The following CNTN6 variants were observed in gnomAD, a reference collection of about 807,000 sequenced individuals.
CNTN6 encodes the protein contactin 6.
A neutral mutation model predicts 122.8 loss-of-function variants in CNTN6; 137 were observed. The ratio of observed to expected loss-of-function variants is 1.12; its 90% CI spans 0.97 to 1.29. The LOEUF (loss-of-function observed/expected upper bound fraction) is 1.29, where lower values mean the gene tolerates loss of function less well. Ranked by LOEUF, CNTN6 falls within the 50% of genes most tolerant of loss-of-function variation. The pLI is 0.00. For missense variants in CNTN6, 1,634 were observed against 1,223.4 expected (o/e 1.34, Z -5.01); for synonymous variants, 570 against 426.0 (o/e 1.34, Z -4.16).
intron 2 of CNTN6, 30 bp from the exon 3 acceptor site, chr3:1,220,657 T>C (rs757106885): frequency 6.4e-7 from 1 of 1,572,354 alleles, no homozygotes; most frequent in Non-Finnish European, 8.6e-7. Context: ...CCACTTTTTT[T>C]TCATGTGATT....
At position 1,220,762 on chromosome 3, in the gene CNTN6, C is replaced by T. The variant is rs2094196764; in HGVS notation, c.131C>T (p.Ser44Phe). 1.2e-6 allele frequency: 2 copies of T among 1,612,792 alleles called. No homozygotes were observed. The highest frequency in any genetic ancestry group is 1.7e-6 in the Non-Finnish European group (2 of 1,179,270). The part of the protein sequence containing the change: ...DVIFPLDLSK[S>F]EVILNCAANG... The stretch of plus-strand genomic sequence containing the variant: ...ATTTTTCCTTTGGATTTATCAAAAT[C>T]TGAGGTCATCCTGAATTGTGCTGCT... The change falls in exon 3 of 23, where the codon TCT becomes TTT. Residue 44 changes from serine (S) to phenylalanine (F), a missense_variant. Coordinates refer to ENST00000446702, the MANE Select transcript of CNTN6 (RefSeq NM_001289080.2).
At chr3:1,098,731 G>C (rs922836088) in intron 1 of CNTN6, among the ~76,000 whole-genome samples, 2 of 135,840 alleles carry the variant, frequency 1.5e-5, no homozygotes, top group African/African-American at 5.4e-5. Flanking sequence ...TGTTACATAA[G>C]TCTTTGAATT....
chr3:1,389,602 T>A (rs564224306), intron 20 of CNTN6, among the ~76,000 whole-genome samples: 4,744 of 127,074 alleles, frequency 0.037, 102 homozygotes, highest in South Asian at 0.067. Context: ...ATGCTCTAAT[T>A]AAAAGACACA....
chr3:1,189,417 A>G (rs936092347), intron 2 of CNTN6, among the ~76,000 whole-genome samples: 31 of 152,214 alleles, frequency 2.0e-4, no homozygotes, highest in African/African-American at 7.2e-4. Flanking sequence ...GGCTTTTAGA[A>G]TTAGCAAGGA....
chr3:1,298,962 A>C (rs2125878179), intron 7 of CNTN6, among the ~76,000 whole-genome samples: 1 of 152,304 alleles, frequency 6.6e-6, no homozygotes, highest in Admixed American at 6.5e-5. Flanking sequence ...TCTAGAAAAC[A>C]TCCTTAAATG....
At chr3:1,144,923 A>T (rs1328616439) in intron 1 of CNTN6, among the ~76,000 whole-genome samples, 3 of 152,212 alleles carry the variant, frequency 2.0e-5, no homozygotes, top group Admixed American at 2.0e-4. Flanking sequence ...AAAATGGCAT[A>T]GAGATGGCTA....
rs545540556 is a variant in CNTN6, at chr3:1,261,548, A to G, written c.359-16865A>G. On this transcript the variant is annotated intron_variant, in intron 4 of 22. Coordinates refer to ENST00000446702, the MANE Select transcript of CNTN6 (RefSeq NM_001289080.2). The stretch of plus-strand genomic sequence containing the variant: ...TGGTAACCTGGCCTGCTTTCTATGT[A>G]GACAAGTATGTGTCTGTGGAATAAA... Among the ~76,000 whole-genome samples, 4 of 152,234 alleles carry G rather than the reference A, an allele frequency of 2.6e-5. No homozygotes were observed. The South Asian group carries it at 8.3e-4, about 32-fold the overall frequency.
At chr3:1,101,299 T>C (rs1314089403) in intron 1 of CNTN6, among the ~76,000 whole-genome samples, 4 of 152,154 alleles carry the variant, frequency 2.6e-5, no homozygotes, top group Non-Finnish European at 5.9e-5. Flanking sequence ...AACTTTACAA[T>C]CTCCTTGCCA....
chr3:1,254,176 T>G (rs1347860125), intron 4 of CNTN6, among the ~76,000 whole-genome samples: 1 of 152,172 alleles, frequency 6.6e-6, no homozygotes, highest in Non-Finnish European at 1.5e-5. Flanking sequence ...ACTGCCAATT[T>G]TCATCTCGTG....
chr3:1,342,973 A>G (rs976450713), intron 11 of CNTN6, among the ~76,000 whole-genome samples: 3 of 151,502 alleles, frequency 2.0e-5, no homozygotes, highest in Admixed American at 6.6e-5. Context: ...CACCTCCTCC[A>G]CCTCTTTCAC....
At chr3:1,154,197 T>C (rs908870404) in intron 2 of CNTN6, among the ~76,000 whole-genome samples, 1 of 152,026 alleles carries the variant, frequency 6.6e-6, no homozygotes, top group Non-Finnish European at 1.5e-5. Flanking sequence ...GGAAAAAAAA[T>C]TATGTTTTGT....
rs534290503 is a variant in CNTN6, at chr3:1,253,652, T to C, written c.359-24761T>C. Reference sequence around the variant, plus strand: ...GGTTTCAGCAGGTATTAGATTCTCATAAGGAGTGCACAACCTAGATCCCTC... The same window carrying C: ...GGTTTCAGCAGGTATTAGATTCTCACAAGGAGTGCACAACCTAGATCCCTC... On this transcript the variant is annotated intron_variant, in intron 4 of 22. Transcript: ENST00000446702. Among the ~76,000 whole-genome samples the C allele has an allele frequency of 3.9e-5, 6 of 152,266 alleles. No individual in the cohort carries two copies. In the South Asian group the frequency reaches 6.2e-4, roughly 16 times the overall value.
intron 10 of CNTN6, among the ~76,000 whole-genome samples, chr3:1,329,465 C>T (rs1701991423): frequency 6.6e-6 from 1 of 151,606 alleles, no homozygotes; most frequent in Non-Finnish European, 1.5e-5. Context: ...CAATGACCAC[C>T]AACAAAACAA....
chr3:1,172,949 A>G (rs986185794), intron 2 of CNTN6, among the ~76,000 whole-genome samples: 2 of 152,164 alleles, frequency 1.3e-5, no homozygotes, highest in Non-Finnish European at 2.9e-5. Context: ...CATAATGCAC[A>G]TGTCTTCCTA....
chr3:1,399,136 C>T (rs1430672204), intron 20 of CNTN6, among the ~76,000 whole-genome samples: 1 of 152,150 alleles, frequency 6.6e-6, no homozygotes, highest in East Asian at 1.9e-4. Flanking sequence ...GCCAATGACA[C>T]TGAAGTGGTG....
chr3:1,129,904 A>C (rs574484827), intron 1 of CNTN6, among the ~76,000 whole-genome samples: 2 of 152,070 alleles, frequency 1.3e-5, no homozygotes, highest in African/African-American at 4.8e-5. Context: ...TTTTTTAAAA[A>C]CAGTTTTTCA....
chr3:1,100,993 G>GC (rs1481801008), intron 1 of CNTN6, among the ~76,000 whole-genome samples: 2 of 152,056 alleles, frequency 1.3e-5, no homozygotes, highest in African/African-American at 4.8e-5. Context: ...AACAGATGTT[G>GC]TTTTCTATGG....
At chr3:1,154,110 A>G (rs979702970) in intron 2 of CNTN6, among the ~76,000 whole-genome samples, 1 of 152,250 alleles carries the variant, frequency 6.6e-6, no homozygotes, top group African/African-American at 2.4e-5. Flanking sequence ...AAAGGTGGTT[A>G]TATGATTATC....
At chr3:1,383,640 A>AAAAAAC (rs3043011) in intron 19 of CNTN6, among the ~76,000 whole-genome samples, 36 of 151,568 alleles carry the variant, frequency 2.4e-4, no homozygotes, top group East Asian at 1.2e-3. Context: ...GCCAGTGGTA[A>AAAAAAC]AAAAACAAAA....
Sources: allele counts gnomAD v4.1 joint callset (sites outside exome capture counted in the v4.1 genomes callset), GRCh38; gene constraint gnomAD v4.1.1; transcripts MANE v1.5; gene names NCBI Gene and HGNC (gene_info 2026-07-23, HGNC 2026-07-21).